Variants in PPP3CC observed in about 807,000 individuals in gnomAD.
PPP3CC encodes serine/threonine-protein phosphatase 2B catalytic subunit gamma isoform.
In PPP3CC, 35 loss-of-function variants were observed where a neutral mutation model predicts 60.3. That is an observed-to-expected ratio of 0.58 (90% confidence interval 0.44 to 0.77). The LOEUF (loss-of-function observed/expected upper bound fraction) is 0.77. Among genes scored for constraint, PPP3CC ranks in the 30% least tolerant of loss-of-function variants. The pLI is 0.00. For synonymous variants in PPP3CC, 206 were observed against 224.3 expected (o/e 0.92, Z 0.73); for missense variants, 570 against 628.9 (o/e 0.91, Z 1.00).
intron 4 of PPP3CC, among the ~76,000 whole-genome samples, chr8:22,502,210 A>G (rs1353150473): frequency 6.6e-6 from 1 of 152,216 alleles, no homozygotes; most frequent in East Asian, 1.9e-4. Flanking sequence ...TCATTTTAGA[A>G]TTCGTCTACC....
At chr8:22,444,794 G>C (rs1032282939) in intron 1 of PPP3CC, among the ~76,000 whole-genome samples, 1 of 152,168 alleles carries the variant, frequency 6.6e-6, no homozygotes, top group African/African-American at 2.4e-5. Flanking sequence ...ACCATAACTG[G>C]TATCTAAGCC....
At chr8:22,458,600 A>AAAAAAT (rs563406985) in intron 1 of PPP3CC, among the ~76,000 whole-genome samples, 3 of 151,948 alleles carry the variant, frequency 2.0e-5, no homozygotes, top group East Asian at 1.9e-4. Flanking sequence ...ACCGTCTCAA[A>AAAAAAT]AAAAATAAAA....
chr8:22,538,769 A>G (rs1203710334), intron 12 of PPP3CC, among the ~76,000 whole-genome samples: 1 of 152,222 alleles, frequency 6.6e-6, no homozygotes, highest in Non-Finnish European at 1.5e-5. Flanking sequence ...GTTACTGGCC[A>G]ACTCTCTTGA....
intron 13 of PPP3CC, 43 bp downstream of exon 13, chr8:22,539,541 G>T (rs753817360): frequency 6.3e-7 from 1 of 1,587,504 alleles, no homozygotes; most frequent in Admixed American, 1.8e-5. Flanking sequence ...ATGTGTCTGT[G>T]TACTGGTTTT....
chr8:22,491,643 G>A (rs1362773710), intron 3 of PPP3CC, among the ~76,000 whole-genome samples: 2 of 152,076 alleles, frequency 1.3e-5, no homozygotes, highest in African/African-American at 2.4e-5. Flanking sequence ...TTATCATTCA[G>A]TATTTTATAT....
chr8:22,509,006 A>C (rs548789330), intron 4 of PPP3CC, among the ~76,000 whole-genome samples: 4 of 152,232 alleles, frequency 2.6e-5, no homozygotes, highest in Admixed American at 2.6e-4. Flanking sequence ...CAGCAATACA[A>C]AATGTTCTGA....
intron 1 of PPP3CC, among the ~76,000 whole-genome samples, chr8:22,447,865 C>T (rs751026278): frequency 6.6e-6 from 1 of 152,048 alleles, no homozygotes; most frequent in Non-Finnish European, 1.5e-5. Flanking sequence ...ACTTGGTAAC[C>T]AGGATCTTTA....
chr8:22,441,687 G>C (rs970814977), intron 1 of PPP3CC, among the ~76,000 whole-genome samples: 3 of 152,152 alleles, frequency 2.0e-5, no homozygotes, highest in Admixed American at 1.3e-4. Flanking sequence ...CTCCCGAAGG[G>C]TTCAGGGTGC....
At chr8:22,489,555 G>T (rs1317976000) in intron 3 of PPP3CC, among the ~76,000 whole-genome samples, 2 of 145,578 alleles carry the variant, frequency 1.4e-5, no homozygotes, top group East Asian at 3.9e-4. Flanking sequence ...TTTCTAGTGA[G>T]AGGTACAGCA....
rs780570886 is a variant in PPP3CC, at chr8:22,497,982, G to A, written c.373-19G>A. 2.0e-6 allele frequency: 3 copies of A among 1,529,720 alleles called. No homozygotes were observed. Among genetic ancestry groups the A allele is most frequent in the African/African-American group, 1.4e-5 (1 of 72,170 alleles). The allele number at this position is 1,529,720 out of a possible 1,614,324, so 94.8% of individuals were successfully genotyped here. A position where few individuals can be genotyped will look rare whatever the true frequency, so the allele number is the denominator to read the frequency against. On this transcript the variant is annotated intron_variant, in intron 3 of 13. Transcript: ENST00000240139. ...ATAATGGTCACAAAGAAAATTTTAT[G>A]CTTGAATTTGTCTTGTAGTGTGTGC...
At chr8:22,441,852 G>T (rs555462252) in intron 1 of PPP3CC, among the ~76,000 whole-genome samples, 1 of 151,980 alleles carries the variant, frequency 6.6e-6, no homozygotes, top group African/African-American at 2.4e-5. Context: ...CTTGACGTCC[G>T]CCCCCCACCC....
rs189671822 is a variant in PPP3CC, at chr8:22,487,440, A to G, written c.373-10561A>G. Among the ~76,000 whole-genome samples the G allele has an allele frequency of 4.5e-3, 690 of 152,252 alleles. 5 individuals carry two copies. The highest frequency in any genetic ancestry group is 0.015 in the African/African-American group (627 of 41,556). On this transcript the variant is annotated intron_variant, in intron 3 of 13. Coordinates refer to ENST00000240139, the MANE Select transcript of PPP3CC (RefSeq NM_005605.5). ...GGAGTTCGAGACCAGCCTGGATGAC[A>G]TGGTAAAACCCTGTCTCTACTAAAA...
chr8:22,449,317 C>T (rs1007034851), intron 1 of PPP3CC, among the ~76,000 whole-genome samples: 2 of 151,468 alleles, frequency 1.3e-5, no homozygotes, highest in Non-Finnish European at 1.5e-5. Context: ...GGTGTGGTGG[C>T]CTGCACCTGT....
chr8:22,462,525 A>G (rs1837391016), intron 1 of PPP3CC, among the ~76,000 whole-genome samples: 1 of 151,238 alleles, frequency 6.6e-6, no homozygotes, highest in Admixed American at 6.6e-5. Flanking sequence ...GATGGTAGAC[A>G]TTTTGGCCTC....
At chr8:22,531,218 T>G in intron 10 of PPP3CC, 1 of 1,324,630 alleles carries the variant, frequency 7.5e-7, no homozygotes, top group Non-Finnish European at 1.0e-6. Context: ...TGATTTTTTT[T>G]TCTCTTTTCC....
At position 22,540,852 on chromosome 8, in the gene PPP3CC, C is replaced by G. The variant is rs1839944094; in HGVS notation, c.*50C>G. On this transcript the variant is annotated 3_prime_UTR_variant, in exon 14 of 14. Transcript: ENST00000240139. ...TGGATCTAAAACTCAAGAACAAATT[C>G]TATTTATTTATTATTGGAAAATGAA... is the stretch of plus-strand genomic sequence containing the variant. 4.2e-6 allele frequency: 6 copies of G among 1,417,932 alleles called. No homozygotes were observed. The highest frequency in any genetic ancestry group is 5.6e-6 in the Non-Finnish European group (6 of 1,071,694). 87.8% of individuals were successfully genotyped at this position (1,417,932 alleles called of 1,614,324 possible). A position where few individuals can be genotyped will look rare whatever the true frequency, so the allele number is the denominator to read the frequency against.
intron 8 of PPP3CC, among the ~76,000 whole-genome samples, chr8:22,525,910 C>G (rs1475678627): frequency 1.3e-5 from 2 of 150,646 alleles, no homozygotes; most frequent in Non-Finnish European, 3.0e-5. Context: ...CTGTGTTGCC[C>G]AGGCTGGAGT....
chr8:22,496,621 C>T (rs1186305214), intron 3 of PPP3CC, among the ~76,000 whole-genome samples: 3 of 150,416 alleles, frequency 2.0e-5, no homozygotes, highest in Non-Finnish European at 4.4e-5. Context: ...CCTCAGCCTC[C>T]CAGGCAGCTG....
chr8:22,528,460 G>A (rs1839617882), intron 9 of PPP3CC, 46 bp from the exon 10 acceptor site: 1 of 1,295,764 alleles, frequency 7.7e-7, no homozygotes, highest in South Asian at 1.7e-5. Flanking sequence ...TTTAGAGAAA[G>A]TACCTCATTA....
Sources: allele counts gnomAD v4.1 joint callset (sites outside exome capture counted in the v4.1 genomes callset), GRCh38; gene constraint gnomAD v4.1.1; transcripts MANE v1.5; gene names NCBI Gene and HGNC (gene_info 2026-07-23, HGNC 2026-07-21).